LETM1: variants seen among roughly 807,000 people sequenced by gnomAD.
LETM1 encodes the protein leucine zipper and EF-hand containing transmembrane protein 1.
Under a neutral mutation model 74.5 loss-of-function variants are expected in LETM1, and 50 were observed. That is an observed-to-expected ratio of 0.67 (90% CI 0.53 to 0.85). The LOEUF is 0.85. Ranked by LOEUF, LETM1 falls within the 40% of genes least tolerant of loss-of-function variation. LETM1 has a pLI of 0.00. For missense variants in LETM1, 824 were observed against 967.8 expected (o/e 0.85, Z 1.97); for synonymous variants, 446 against 407.1 (o/e 1.10, Z -1.15).
intron 6 of LETM1, 29 bp downstream of exon 6, chr4:1,832,715 G>A (rs1712318952): frequency 6.2e-7 from 1 of 1,601,840 alleles, no homozygotes; most frequent in Non-Finnish European, 8.6e-7. Context: ...AAACACCAGA[G>A]CTGTGGCGCG....
chr4:1,844,990 G>A (rs1255322518), intron 2 of LETM1, among the ~76,000 whole-genome samples: 1 of 151,508 alleles, frequency 6.6e-6, no homozygotes, highest in East Asian at 1.9e-4. Context: ...AGGAGTTTGA[G>A]ACCAGCCTGG....
chr4:1,828,815 A>ACC (rs1375679940), intron 6 of LETM1, among the ~76,000 whole-genome samples: 3 of 47,434 alleles, frequency 6.3e-5, no homozygotes, highest in African/African-American at 1.7e-4. Context: ...AGGGGGGCTG[A>ACC]CCCCCCCCAC....
Position 1,836,530 on chromosome 4 carries a change from G to A in LETM1, c.637C>T (p.Leu213Phe). ...CADLFRLVPF[L>F]VFVVVPFMEF... Reference sequence around the variant, plus strand: ...ATGAACGGCACCACCACGAACACAAGGAACGGCACCAGGCGGAAGAGGTCA... The same window carrying A: ...ATGAACGGCACCACCACGAACACAAAGAACGGCACCAGGCGGAAGAGGTCA... Residue 213 changes from leucine (L) to phenylalanine (F), a missense_variant, in exon 4 of 14, where the codon CTT becomes TTT. By Grantham distance (22) the Leu-to-Phe change is conservative. This residue lies in a region of LETM1 where 269 missense variants were observed against 348.8 expected (regional missense o/e 0.77). Transcript: ENST00000302787. This position sits in a 1 kb window ranked among gnomAD's most constrained non-coding sequence, Gnocchi z 5.8. 6.2e-7 allele frequency: 1 copy of A among 1,613,984 alleles called. No individual in the cohort carries two copies. Among genetic ancestry groups the A allele is most frequent in the Non-Finnish European group, 8.5e-7 (1 of 1,179,998 alleles).
intron 6 of LETM1, among the ~76,000 whole-genome samples, chr4:1,827,142 AG>A (rs1712020014): frequency 6.6e-6 from 1 of 152,088 alleles, no homozygotes; most frequent in African/African-American, 2.4e-5. Flanking sequence ...TTTCTGGTCG[AG>A]GAGCTTCCCT....
intron 2 of LETM1, among the ~76,000 whole-genome samples, chr4:1,843,458 A>G (rs955307981): frequency 2.6e-5 from 4 of 152,230 alleles, no homozygotes; most frequent in Non-Finnish European, 4.4e-5. Flanking sequence ...GAGCGAGCAC[A>G]CACCAGGATC....
In LETM1 at chr4:1,813,195, AAAG is replaced by A. The variant is rs1722520791; in HGVS notation, c.*1226_*1228del. 6.6e-6 allele frequency: 1 copy of A among 152,400 alleles called. No homozygotes were observed. The highest frequency in any genetic ancestry group is 1.5e-5 in the Non-Finnish European group (1 of 68,046). The allele number at this position is 152,400 out of a possible 1,614,324, so 9.4% of individuals were successfully genotyped here. ...TCAAGTTTCTTTAATGGCTGAACAG[AAAG>A]AAGCTTCAAGTAATGGAGAAGGCAT... On this transcript the variant is annotated 3_prime_UTR_variant, in exon 14 of 14. Coordinates refer to ENST00000302787, the MANE Select transcript of LETM1 (RefSeq NM_012318.3).
chr4:1,817,574 A>G (rs1045925029), intron 11 of LETM1, among the ~76,000 whole-genome samples: 1 of 152,192 alleles, frequency 6.6e-6, no homozygotes, highest in Non-Finnish European at 1.5e-5. Context: ...CAACAACAAA[A>G]AAAGGTAATA....
At chr4:1,850,035 A>T (rs11931291) in intron 1 of LETM1, among the ~76,000 whole-genome samples, 14,344 of 152,052 alleles carry the variant, frequency 0.094, 2,105 homozygotes, top group African/African-American at 0.32. Context: ...ATGCTTGTAA[A>T]CCCAGCTACT....
At chr4:1,818,425 A>G (rs1164312392) in intron 11 of LETM1, among the ~76,000 whole-genome samples, 1 of 152,024 alleles carries the variant, frequency 6.6e-6, no homozygotes, top group African/African-American at 2.4e-5. Flanking sequence ...CAGCCTGGTC[A>G]ACATGGTGAA....
intron 10 of LETM1, 93 bp downstream of exon 10, chr4:1,822,088 C>T (rs1190485776): frequency 2.4e-6 from 3 of 1,255,156 alleles, no homozygotes; most frequent in Non-Finnish European, 3.1e-6. Flanking sequence ...ATAGATGCCC[C>T]AGCTAACCTG....
rs1229437911 is a variant in LETM1 at position 1,836,515 on chromosome 4, C to G, written c.652G>C (p.Val218Leu). ...RLVPFLVFVV[V>L]PFMEFLLPVA... ...GGCAGCAGAAACTCCATGAACGGCA[C>G]CACCACGAACACAAGGAACGGCACC... Residue 218 changes from valine to leucine, a missense_variant, in exon 4 of 14, where the codon GTG (valine) becomes CTG (leucine). This residue lies in a region of LETM1 where 269 missense variants were observed against 348.8 expected (regional missense o/e 0.77). Coordinates refer to ENST00000302787, the MANE Select transcript of LETM1 (RefSeq NM_012318.3). The surrounding 1 kb of genome is among the most constrained non-coding windows in gnomAD (Gnocchi z 5.8). 6.2e-7 allele frequency: 1 copy of G among 1,613,886 alleles called. No individual in the cohort carries two copies. The highest frequency in any genetic ancestry group is 8.5e-7 in the Non-Finnish European group (1 of 1,179,980).
At chr4:1,842,274 A>G (rs575798063) in intron 2 of LETM1, among the ~76,000 whole-genome samples, 2 of 151,454 alleles carry the variant, frequency 1.3e-5, no homozygotes, top group Admixed American at 1.3e-4. Flanking sequence ...GCAAATCAGT[A>G]AGGGTGCTCG....
chr4:1,828,282 C>A (rs1207239348), intron 6 of LETM1, among the ~76,000 whole-genome samples: 41 of 106,092 alleles, frequency 3.9e-4, no homozygotes, highest in African/African-American at 6.8e-4. Flanking sequence ...GGGGGCTGAC[C>A]CCCCCACCTC....
rs766350382 is a variant in LETM1, at chr4:1,834,761, C to T, written c.876+84G>A. The T allele has an allele frequency of 6.4e-7, 1 of 1,569,562 alleles. No individual in the cohort carries two copies. ...CCAGCCAGCACCTGGGGGAGCTCCACTCTGCTGAGCACAGCGAAAGGGAAA... is the reference window on the plus strand; with the variant it reads ...CCAGCCAGCACCTGGGGGAGCTCCATTCTGCTGAGCACAGCGAAAGGGAAA... On this transcript the variant is annotated intron_variant, in intron 5 of 13. Transcript: ENST00000302787. The surrounding 1 kb of genome is among the most constrained non-coding windows in gnomAD (Gnocchi z 5.0).
intron 6 of LETM1, among the ~76,000 whole-genome samples, chr4:1,831,463 C>T (rs754360745): frequency 2.6e-5 from 4 of 152,244 alleles, no homozygotes; most frequent in Non-Finnish European, 5.9e-5. Flanking sequence ...CCATGGTAGA[C>T]GTGACCTTGT....
intron 1 of LETM1, among the ~76,000 whole-genome samples, chr4:1,851,889 A>C (rs1218746792): frequency 6.6e-6 from 1 of 152,066 alleles, no homozygotes; most frequent in Non-Finnish European, 1.5e-5. Context: ...TGGCTCCCTT[A>C]CTAGGCTCTC....
chr4:1,845,545 T>C (rs974071413), intron 2 of LETM1, among the ~76,000 whole-genome samples: 4 of 151,370 alleles, frequency 2.6e-5, no homozygotes, highest in East Asian at 1.9e-4. Context: ...TTTTCTTTTT[T>C]TTTTCTTTTT....
chr4:1,817,305 C>A (rs1382290710), intron 11 of LETM1, among the ~76,000 whole-genome samples: 1 of 151,160 alleles, frequency 6.6e-6, no homozygotes, highest in Non-Finnish European at 1.5e-5. Context: ...GCCTGTAATC[C>A]CAGAACTTTG....
chr4:1,822,004 C>G (rs1711796340), intron 10 of LETM1, among the ~76,000 whole-genome samples, 177 bp downstream of exon 10: 1 of 152,202 alleles, frequency 6.6e-6, no homozygotes, highest in African/African-American at 2.4e-5. Context: ...CACTCTTTTC[C>G]TAACCACCAA....
Sources: gnomAD v4.1 joint callset for allele counts (sites outside exome capture counted in the v4.1 genomes callset) on GRCh38, gnomAD v4.1.1 for gene constraint, gnomAD v4.1.1 regional missense constraint, Gnocchi (gnomAD v3.1) non-coding constraint, MANE v1.5 for transcripts, NCBI Gene and HGNC (gene_info 2026-07-23, HGNC 2026-07-21) for gene names.